The following SVIL variants were observed in gnomAD, a reference collection of about 807,000 sequenced individuals.
SVIL encodes the protein supervillin.
Under a neutral mutation model 240.4 loss-of-function variants are expected in SVIL, and 101 were observed. The ratio of observed to expected loss-of-function variants is 0.42; its 90% CI spans 0.36 to 0.50. The LOEUF is 0.50. SVIL is among the 20% of genes least tolerant of loss of function. The probability of loss-of-function intolerance (pLI) is 0.01; values close to 1 mark genes in which losing one functional copy is unlikely to be tolerated. For synonymous variants in SVIL, 999 were observed against 1,100.0 expected (o/e 0.91, Z 1.82); for missense variants, 2,512 against 2,818.7 (o/e 0.89, Z 2.46).
chr10:29,638,112 C>CA (rs1300118664), upstream of SVIL, among the ~76,000 whole-genome samples: 1 of 152,198 alleles, frequency 6.6e-6, no homozygotes, highest in Non-Finnish European at 1.5e-5. Flanking sequence ...AAAAAGCCCT[C>CA]ATGATCACTT....
chr10:29,639,698 C>T (rs568791343), upstream of SVIL, among the ~76,000 whole-genome samples: 2 of 152,076 alleles, frequency 1.3e-5, no homozygotes, highest in East Asian at 3.9e-4. Context: ...AACTTCTAAC[C>T]TCGCGTGATC....
chr10:29,604,516 C>G (rs1199171699), intron 1 of SVIL, among the ~76,000 whole-genome samples: 2 of 151,566 alleles, frequency 1.3e-5, no homozygotes, highest in African/African-American at 4.9e-5. Context: ...AGCCATTGCG[C>G]CTGGCCATAT....
intron 2 of SVIL, among the ~76,000 whole-genome samples, chr10:29,679,546 CT>C (rs1271349596): frequency 2.1e-5 from 3 of 144,324 alleles, no homozygotes; most frequent in African/African-American, 7.5e-5. Flanking sequence ...ACTTTTTTTT[CT>C]TTTTTCTTTT....
chr10:29,710,163 C>G (rs1963179334), intron 1 of SVIL, among the ~76,000 whole-genome samples: 1 of 151,942 alleles, frequency 6.6e-6, no homozygotes, highest in Non-Finnish European at 1.5e-5. Context: ...AAGCAATCCT[C>G]CCACCTCAGC....
chr10:29,621,934 G>A (rs1337392324), intron 1 of SVIL, among the ~76,000 whole-genome samples: 1 of 152,086 alleles, frequency 6.6e-6, no homozygotes, highest in African/African-American at 2.4e-5. Flanking sequence ...ACAAACATCA[G>A]TGACTTGGGA....
intron 27 of SVIL, chr10:29,483,483 C>T (rs547190619): frequency 1.3e-5 from 2 of 152,308 alleles, no homozygotes; most frequent in East Asian, 3.9e-4. Flanking sequence ...TGGGGCTGGG[C>T]TGAGCAAATG....
rs553129357 is a variant in SVIL at position 29,570,918 on chromosome 10, C to T, written c.-200-1606G>A. Among the ~76,000 whole-genome samples, 9 of 152,288 alleles carry T rather than the reference C, an allele frequency of 5.9e-5. No homozygotes were observed. The East Asian group carries it at 7.7e-4, about 13-fold the overall frequency. On this transcript the variant is annotated intron_variant, in intron 1 of 37. Coordinates refer to ENST00000355867, the MANE Select transcript of SVIL (RefSeq NM_021738.3). ...AAAATAGAGGACCCCAGGCATTCATCGTGTTATACAATCCATACATAAGTG... is the reference window on the plus strand; with the variant it reads ...AAAATAGAGGACCCCAGGCATTCATTGTGTTATACAATCCATACATAAGTG...
chr10:29,506,700 C>CTACGAGGGAGGGGACAGAGGCCT (rs1949336971), intron 17 of SVIL, among the ~76,000 whole-genome samples: 1 of 133,894 alleles, frequency 7.5e-6, no homozygotes, highest in African/African-American at 2.9e-5. Context: ...GACAGAGGCC[C>CTACGAGGGAGGGGACAGAGGCCT]TACGAGGGAG....
At chr10:29,625,198 G>A (rs979202520) in intron 1 of SVIL, among the ~76,000 whole-genome samples, 1 of 152,098 alleles carries the variant, frequency 6.6e-6, no homozygotes, top group African/African-American at 2.4e-5. Context: ...TCATCTCAAA[G>A]TCTTCAGTTA....
intron 18 of SVIL, among the ~76,000 whole-genome samples, chr10:29,497,612 T>C (rs1038087774): frequency 2.6e-5 from 4 of 152,164 alleles, no homozygotes; most frequent in African/African-American, 9.7e-5. Context: ...ACTGAGGACA[T>C]ATTTTAGACA....
At chr10:29,548,905 C>T (rs569189114) in intron 6 of SVIL, among the ~76,000 whole-genome samples, 427 of 152,326 alleles carry the variant, frequency 2.8e-3, no homozygotes, top group African/African-American at 9.7e-3. Context: ...AAAGTGTCCC[C>T]ATGACACCTG....
At chr10:29,529,642 T>G in intron 12 of SVIL, 63 bp downstream of exon 12, 3 of 1,514,058 alleles carry the variant, frequency 2.0e-6, no homozygotes, top group Non-Finnish European at 2.6e-6. Flanking sequence ...TGAACACTCT[T>G]TAAATGTATT....
intron 1 of SVIL, among the ~76,000 whole-genome samples, chr10:29,699,664 A>C (rs185586554): frequency 5.4e-4 from 82 of 152,260 alleles, no homozygotes; most frequent in Non-Finnish European, 1.0e-3. Context: ...ACTCACAAAG[A>C]CGTTTTGCTT....
chr10:29,656,462 T>A (rs1371246363), intron 3 of SVIL, among the ~76,000 whole-genome samples: 5 of 151,946 alleles, frequency 3.3e-5, no homozygotes, highest in Non-Finnish European at 7.4e-5. Context: ...TATAGCTTTT[T>A]TTTTTAAAAA....
At chr10:29,644,412 A>C (rs536086197) in intron 3 of SVIL, among the ~76,000 whole-genome samples, 1 of 152,156 alleles carries the variant, frequency 6.6e-6, no homozygotes, top group Non-Finnish European at 1.5e-5. Context: ...CCAAGGACCG[A>C]GAAACCCCAC....
chr10:29,488,165 G>T (rs200993581), intron 23 of SVIL, among the ~76,000 whole-genome samples: 1 of 152,084 alleles, frequency 6.6e-6, no homozygotes, highest in Non-Finnish European at 1.5e-5. Flanking sequence ...TCTCCAAGCT[G>T]TGTCTTCCTC....
Position 29,497,368 on chromosome 10 carries a change from T to G in SVIL, c.3664+1748A>C, listed in dbSNP as rs550212434. ...GGGAAATCTGCTTTTAAATAATAGC[T>G]TAGAAAGTGATGGTATGTGCATATA... On this transcript the variant is annotated intron_variant, in intron 18 of 37. Transcript: ENST00000355867. 4.6e-5 allele frequency among the ~76,000 whole-genome samples: 7 copies of G among 152,280 alleles called. No homozygotes were observed. In the East Asian group the frequency reaches 9.7e-4, roughly 21 times the overall value.
chr10:29,468,512 A>G (rs1945182047), intron 32 of SVIL, among the ~76,000 whole-genome samples: 1 of 151,986 alleles, frequency 6.6e-6, no homozygotes, highest in East Asian at 1.9e-4. Context: ...AGAAATTGCT[A>G]GACTGTTTTC....
chr10:29,541,401 C>T (rs576741785), intron 6 of SVIL, among the ~76,000 whole-genome samples: 6 of 152,304 alleles, frequency 3.9e-5, no homozygotes, highest in Admixed American at 1.3e-4. Context: ...CCCAAACTCA[C>T]CAAGCTGCAT....
Sources: gnomAD v4.1 joint callset for allele counts (sites outside exome capture counted in the v4.1 genomes callset) on GRCh38, gnomAD v4.1.1 for gene constraint, MANE v1.5 for transcripts, NCBI Gene and HGNC (gene_info 2026-07-23, HGNC 2026-07-21) for gene names.